The following ZCCHC7 variants were observed in gnomAD, a reference collection of about 807,000 sequenced individuals.
The protein encoded by ZCCHC7 is zinc finger CCHC-type containing 7.
A neutral mutation model predicts 52.0 loss-of-function variants in ZCCHC7; 35 were observed. The ratio of observed to expected loss-of-function variants is 0.67; its 90% CI spans 0.51 to 0.89. The LOEUF is 0.89. Ranked by LOEUF, ZCCHC7 falls within the 40% of genes least tolerant of loss-of-function variation. The probability of loss-of-function intolerance (pLI) is 0.00; values close to 1 mark genes in which losing one functional copy is unlikely to be tolerated. For missense variants in ZCCHC7, 574 were observed against 649.1 expected (o/e 0.88, Z 1.26); for synonymous variants, 217 against 221.5 (o/e 0.98, Z 0.18).
intron 2 of ZCCHC7, among the ~76,000 whole-genome samples, chr9:37,194,669 T>C (rs1043915417): frequency 1.3e-5 from 2 of 152,178 alleles, no homozygotes; most frequent in Non-Finnish European, 1.5e-5. Flanking sequence ...CCTGGTTAAC[T>C]TCAGGAAGGC....
intron 1 of ZCCHC7, among the ~76,000 whole-genome samples, chr9:37,123,894 C>G (rs1842429272): frequency 6.6e-6 from 1 of 152,164 alleles, no homozygotes; most frequent in Non-Finnish European, 1.5e-5. Context: ...GTGACAGTAA[C>G]AGCATAGCCA....
intron 2 of ZCCHC7, among the ~76,000 whole-genome samples, chr9:37,264,701 T>C (rs901908489): frequency 1.3e-5 from 2 of 152,226 alleles, no homozygotes; most frequent in Non-Finnish European, 2.9e-5. Flanking sequence ...TCCTCCTAAG[T>C]ACAGAGCTAG....
intron 2 of ZCCHC7, among the ~76,000 whole-genome samples, chr9:37,254,254 A>C (rs79303790): frequency 0.051 from 7,731 of 152,150 alleles, 643 homozygotes; most frequent in African/African-American, 0.17. Context: ...CTTAAGAGGT[A>C]CTCAGATGCT....
chr9:37,259,992 C>T (rs1205247905), intron 2 of ZCCHC7, among the ~76,000 whole-genome samples: 1 of 152,108 alleles, frequency 6.6e-6, no homozygotes, highest in Non-Finnish European at 1.5e-5. Flanking sequence ...AAAGCTATTG[C>T]TATTTGGTTT....
rs561827396 is a variant in ZCCHC7 at position 37,229,446 on chromosome 9, A to G, written c.611-72742A>G. On this transcript the variant is annotated intron_variant, in intron 2 of 8. Transcript: ENST00000336755. Reference sequence around the variant, plus strand: ...AGATGGCATAGCCTCATGCACACCTAGGCCATATGATATCCTATTGCTCCT... The same window carrying G: ...AGATGGCATAGCCTCATGCACACCTGGGCCATATGATATCCTATTGCTCCT... Among the ~76,000 whole-genome samples the G allele has an allele frequency of 1.6e-4, 25 of 152,310 alleles. No homozygotes were observed. The South Asian group carries it at 5.2e-3, about 32-fold the overall frequency.
At chr9:37,280,397 T>G (rs945123595) in intron 2 of ZCCHC7, among the ~76,000 whole-genome samples, 1 of 152,140 alleles carries the variant, frequency 6.6e-6, no homozygotes, top group African/African-American at 2.4e-5. Context: ...TTGACATAAT[T>G]GGCATTTATA....
chr9:37,169,714 T>A (rs942617098), intron 2 of ZCCHC7, among the ~76,000 whole-genome samples: 1 of 152,186 alleles, frequency 6.6e-6, no homozygotes, highest in Non-Finnish European at 1.5e-5. Flanking sequence ...TAAAGAAAAT[T>A]TCTAAATTCT....
chr9:37,136,911 C>T (rs1020200472), intron 2 of ZCCHC7, among the ~76,000 whole-genome samples: 1 of 152,124 alleles, frequency 6.6e-6, no homozygotes, highest in African/African-American at 2.4e-5. Flanking sequence ...AGGCATGAGC[C>T]ACCGAGCCTG....
chr9:37,305,831 A>G, intron 5 of ZCCHC7, 117 bp downstream of exon 5: 1 of 874,866 alleles, frequency 1.1e-6, no homozygotes. Flanking sequence ...TTACTCCGTG[A>G]GATATATATA....
At chr9:37,207,050 CA>C (rs781757230) in intron 2 of ZCCHC7, among the ~76,000 whole-genome samples, 4 of 152,040 alleles carry the variant, frequency 2.6e-5, no homozygotes, top group Non-Finnish European at 5.9e-5. Flanking sequence ...CGCTTGAACC[CA>C]GGAGTTTGAG....
At chr9:37,120,702 G>T in intron 1 of ZCCHC7, 79 bp downstream of exon 1, 1 of 372,592 alleles carries the variant, frequency 2.7e-6, no homozygotes, top group Non-Finnish European at 4.8e-6. Context: ...GCCGGGCTGT[G>T]GAACTAGCGC....
At chr9:37,148,808 A>G (rs1843557862) in intron 2 of ZCCHC7, among the ~76,000 whole-genome samples, 1 of 152,118 alleles carries the variant, frequency 6.6e-6, no homozygotes, top group Non-Finnish European at 1.5e-5. Context: ...CTACATTCTA[A>G]TTGGTGGCAG....
chr9:37,227,202 C>G (rs1825159294), intron 2 of ZCCHC7, among the ~76,000 whole-genome samples: 1 of 151,924 alleles, frequency 6.6e-6, no homozygotes, highest in South Asian at 2.1e-4. Context: ...AGCCACAGAC[C>G]TGGAAAAAAT....
At chr9:37,154,104 G>A (rs1236743849) in intron 2 of ZCCHC7, among the ~76,000 whole-genome samples, 1 of 151,848 alleles carries the variant, frequency 6.6e-6, no homozygotes, top group Non-Finnish European at 1.5e-5. Flanking sequence ...TGCCCAGGCT[G>A]GTCTAGAACT....
At chr9:37,317,296 C>G (rs1829865729) in intron 5 of ZCCHC7, among the ~76,000 whole-genome samples, 1 of 152,190 alleles carries the variant, frequency 6.6e-6, no homozygotes, top group Non-Finnish European at 1.5e-5. Flanking sequence ...ATGATACAAT[C>G]TGTTGCTCAT....
intron 2 of ZCCHC7, among the ~76,000 whole-genome samples, chr9:37,264,946 A>G (rs867427827): frequency 1.1e-4 from 16 of 152,150 alleles, no homozygotes; most frequent in African/African-American, 3.6e-4. Context: ...GCTTTTATCT[A>G]TGTGTTCTTG....
intron 2 of ZCCHC7, among the ~76,000 whole-genome samples, chr9:37,282,692 G>T (rs961641563): frequency 1.3e-5 from 2 of 149,680 alleles, no homozygotes; most frequent in African/African-American, 4.9e-5. Flanking sequence ...AACAAAATGA[G>T]ATCCCATCTT....
chr9:37,145,021 G>A (rs1225301461), intron 2 of ZCCHC7: 4 of 151,852 alleles, frequency 2.6e-5, no homozygotes, highest in Admixed American at 1.3e-4. Flanking sequence ...TTCTTTTTTT[G>A]TGTGGTTATT....
chr9:37,192,436 G>A (rs1303669588), intron 2 of ZCCHC7, among the ~76,000 whole-genome samples: 1 of 152,060 alleles, frequency 6.6e-6, no homozygotes, highest in Non-Finnish European at 1.5e-5. Flanking sequence ...CTTTAGATCA[G>A]GTGTGTATTA....
Sources: allele counts gnomAD v4.1 joint callset (sites outside exome capture counted in the v4.1 genomes callset), GRCh38; gene constraint gnomAD v4.1.1; transcripts MANE v1.5; gene names NCBI Gene and HGNC (gene_info 2026-07-23, HGNC 2026-07-21).